Variants in LRCH1 observed in about 807,000 individuals in gnomAD.
LRCH1 encodes leucine-rich repeat and calponin homology domain-containing protein 1.
Under a neutral mutation model 94.9 loss-of-function variants are expected in LRCH1, and 23 were observed. The ratio of observed to expected loss-of-function variants is 0.24; its 90% CI spans 0.17 to 0.34. The LOEUF (loss-of-function observed/expected upper bound fraction) is 0.34, where lower values mean the gene tolerates loss of function less well. Ranked by LOEUF, LRCH1 falls within the 10% of genes least tolerant of loss-of-function variation. The pLI, the probability that LRCH1 is intolerant of heterozygous loss-of-function variation, is 1.00. For missense variants in LRCH1, 790 were observed against 945.9 expected, an observed-to-expected ratio of 0.84 and a Z score of 2.16; for synonymous variants, 364 against 354.9, an observed-to-expected ratio of 1.03 and a Z score of -0.29.
chr13:46,580,235 A>G (rs1053731361), intron 1 of LRCH1, among the ~76,000 whole-genome samples: 2 of 152,224 alleles, frequency 1.3e-5, no homozygotes, highest in African/African-American at 4.8e-5. Flanking sequence ...AAAACTGATC[A>G]TATCTCTTGT....
Position 46,650,241 on chromosome 13 carries a change from G to A in LRCH1, c.348G>A (p.Leu116=), listed in dbSNP as rs1347401567. The change falls in exon 2 of 20, where the codon TTG becomes TTA. Residue 116 remains leucine, a synonymous_variant. Transcript: ENST00000389797. ...KNRLVEVPME[L]CHFVSLEILN... ...GACTGGTTGAAGTTCCAATGGAATT[G>A]TGCCATTTTGTATCACTGGAAATTC... The A allele has an allele frequency of 6.2e-7, 1 of 1,612,342 alleles. No individual in the cohort carries two copies. Among genetic ancestry groups the A allele is most frequent in the African/African-American group, 1.3e-5 (1 of 74,852 alleles).
intron 3 of LRCH1, among the ~76,000 whole-genome samples, chr13:46,669,547 C>T (rs974197248): frequency 4.6e-5 from 7 of 152,116 alleles, no homozygotes; most frequent in Non-Finnish European, 4.4e-5. Context: ...AGTCAGAAGA[C>T]AGAAAGAATG....
intron 1 of LRCH1, among the ~76,000 whole-genome samples, chr13:46,618,962 A>G (rs1200210971): frequency 6.6e-6 from 1 of 152,198 alleles, no homozygotes; most frequent in Non-Finnish European, 1.5e-5. Flanking sequence ...TTTTAGAGCG[A>G]TGGTGCCACA....
rs1381846421 is a variant in LRCH1 at position 46,694,887 on chromosome 13, T to A, written c.1121-6T>A. The A allele has an allele frequency of 1.1e-5, 17 of 1,613,924 alleles. No homozygotes were observed. Among genetic ancestry groups the A allele is most frequent in the African/African-American group, 1.3e-5 (1 of 74,916 alleles). ...TGCTTTCCATCTCTCTATATTTTCC[T>A]AATAGGGGAATTTCATCAGGAATTT... On this transcript the variant is annotated splice_polypyrimidine_tract_variant and splice_region_variant and intron_variant, in intron 8 of 19. Coordinates refer to ENST00000389797, the MANE Select transcript of LRCH1 (RefSeq NM_001164211.2).
intron 3 of LRCH1, among the ~76,000 whole-genome samples, chr13:46,670,075 C>T (rs2051577473): frequency 6.6e-6 from 1 of 152,230 alleles, no homozygotes; most frequent in African/African-American, 2.4e-5. Context: ...GCTGTGATTG[C>T]TTAGTCATGT....
intron 14 of LRCH1, 61 bp from the exon 15 acceptor site, chr13:46,712,464 A>G: frequency 7.9e-7 from 1 of 1,269,496 alleles, no homozygotes; most frequent in South Asian, 1.2e-5. Flanking sequence ...AGAAAACCAT[A>G]CATAGTTCTT....
At chr13:46,732,518 T>C (rs1346984320) in intron 18 of LRCH1, among the ~76,000 whole-genome samples, 1 of 152,156 alleles carries the variant, frequency 6.6e-6, no homozygotes, top group African/African-American at 2.4e-5. Flanking sequence ...TGAAACACAC[T>C]CTCCATTAAC....
chr13:46,561,666 A>T (rs1594244621), intron 1 of LRCH1, among the ~76,000 whole-genome samples: 1 of 152,322 alleles, frequency 6.6e-6, no homozygotes, highest in East Asian at 1.9e-4. Context: ...CTCTGCAGGC[A>T]ATGGTGGCAA....
At chr13:46,719,946 C>T (rs374603512) in intron 16 of LRCH1, among the ~76,000 whole-genome samples, 3 of 152,018 alleles carry the variant, frequency 2.0e-5, no homozygotes, top group Non-Finnish European at 4.4e-5. Context: ...TGCAGTGAGC[C>T]GAGATCGTGC....
At chr13:46,556,020 C>T (rs2050061280) in intron 1 of LRCH1, among the ~76,000 whole-genome samples, 1 of 152,188 alleles carries the variant, frequency 6.6e-6, no homozygotes, top group South Asian at 2.1e-4. Context: ...TGAGTAGTAA[C>T]ATTTATAATA....
intron 9 of LRCH1, among the ~76,000 whole-genome samples, chr13:46,698,845 T>A (rs1192395394): frequency 6.6e-6 from 1 of 152,272 alleles, no homozygotes; most frequent in East Asian, 1.9e-4. Flanking sequence ...ATTTTTTAAA[T>A]GTACATGTAG....
intron 2 of LRCH1, among the ~76,000 whole-genome samples, chr13:46,659,718 T>G (rs767852): frequency 0.62 from 94,318 of 151,902 alleles, 29,332 homozygotes; most frequent in South Asian, 0.7. Flanking sequence ...GTAGCTAGTG[T>G]TTTAGGGCAG....
rs75117259 is a variant in LRCH1 at position 46,604,989 on chromosome 13, C to T, written c.308-45212C>T. ...TGAGAAAAGTCCATCTGATTGATGC[C>T]TGGCTAATTGACAGCCAATTATGTC... On this transcript the variant is annotated intron_variant, in intron 1 of 19. Coordinates refer to ENST00000389797, the MANE Select transcript of LRCH1 (RefSeq NM_001164211.2). Among the ~76,000 whole-genome samples the T allele has an allele frequency of 6.8e-3, 1,040 of 152,288 alleles. 17 individuals are homozygous for T. The highest frequency in any genetic ancestry group is 0.023 in the African/African-American group (974 of 41,546).
intron 1 of LRCH1, among the ~76,000 whole-genome samples, chr13:46,570,618 T>C (rs575834584): frequency 6.6e-6 from 1 of 152,360 alleles, no homozygotes; most frequent in South Asian, 2.1e-4. Flanking sequence ...TTTCAATTAG[T>C]TATAGGTTGC....
Position 46,694,934 on chromosome 13 carries a change from G to A in LRCH1, c.1162G>A (p.Gly388Ser). 6.2e-7 allele frequency: 1 copy of A among 1,614,058 alleles called. No individual in the cohort carries two copies. Among genetic ancestry groups the A allele is most frequent in the Non-Finnish European group, 8.5e-7 (1 of 1,179,954 alleles). ...QEFQPEPSLL[G>S]DSTNSGEERD... ...ATTTCAACCGGAGCCTTCCCTTTTG[G>A]GTGACAGCACCAACTCAGGAGAAGA... Residue 388 changes from glycine (G) to serine (S), a missense_variant, in exon 9 of 20, where the codon GGT becomes AGT. Gly to Ser is a moderately conservative substitution (Grantham distance 56). Around this residue, in one of 3 missense-constraint regions of LRCH1, gnomAD observed 460 missense variants for 508.9 expected, o/e 0.90. Transcript: ENST00000389797.
chr13:46,574,984 T>G (rs1234595040), intron 1 of LRCH1, among the ~76,000 whole-genome samples: 1 of 152,182 alleles, frequency 6.6e-6, no homozygotes. Flanking sequence ...ATGATGTATC[T>G]ATAAGCACAT....
At chr13:46,658,273 T>A (rs76045573) in intron 2 of LRCH1, among the ~76,000 whole-genome samples, 2,033 of 152,326 alleles carry the variant, frequency 0.013, 40 homozygotes, top group African/African-American at 0.046. Context: ...AACTTTTTTT[T>A]AACTTAGCTT....
At chr13:46,691,911 A>G (rs573082273) in intron 7 of LRCH1, among the ~76,000 whole-genome samples, 3 of 151,750 alleles carry the variant, frequency 2.0e-5, no homozygotes, top group Non-Finnish European at 4.4e-5. Flanking sequence ...GATGGTCTCG[A>G]TCTCTTGATC....
At chr13:46,680,731 T>G (rs997109740) in intron 3 of LRCH1, among the ~76,000 whole-genome samples, 1 of 152,214 alleles carries the variant, frequency 6.6e-6, no homozygotes, top group South Asian at 2.1e-4. Flanking sequence ...GACCTCATCA[T>G]AGATACTGGC....
Sources: allele counts gnomAD v4.1 joint callset (sites outside exome capture counted in the v4.1 genomes callset), GRCh38; gene constraint gnomAD v4.1.1; regional missense constraint gnomAD v4.1.1; transcripts MANE v1.5; gene names NCBI Gene and HGNC (gene_info 2026-07-23, HGNC 2026-07-21).